SUMF1: variants seen among roughly 807,000 people sequenced by gnomAD.
SUMF1 encodes the protein formylglycine-generating enzyme.
Under a neutral mutation model 47.6 loss-of-function variants are expected in SUMF1, and 48 were observed. The observed-to-expected ratio is 1.01, with a 90% CI of 0.80 to 1.28. The LOEUF is 1.28. Among genes scored for constraint, SUMF1 ranks in the 50% most tolerant of loss-of-function variants. SUMF1 has a pLI of 0.00. For synonymous variants in SUMF1, 230 were observed against 192.1 expected, an observed-to-expected ratio of 1.20 and a Z score of -1.63; for missense variants, 571 against 485.4, an observed-to-expected ratio of 1.18 and a Z score of -1.66.
intron 8 of SUMF1, among the ~76,000 whole-genome samples, chr3:4,310,210 G>A (rs915367839): frequency 1.2e-4 from 18 of 152,244 alleles, no homozygotes; most frequent in African/African-American, 3.1e-4. Context: ...AAGTTTAACC[G>A]CGTGGCATGT....
chr3:4,193,842 G>A (rs1695373424), intron 8 of SUMF1, among the ~76,000 whole-genome samples: 1 of 152,002 alleles, frequency 6.6e-6, no homozygotes, highest in Non-Finnish European at 1.5e-5. Flanking sequence ...AAATGGAGTT[G>A]ATAATAATGC....
chr3:4,327,146 C>A (rs1698962800), intron 8 of SUMF1, among the ~76,000 whole-genome samples: 1 of 152,054 alleles, frequency 6.6e-6, no homozygotes, highest in Non-Finnish European at 1.5e-5. Flanking sequence ...ACCAAAAAAA[C>A]ACAAAAATAT....
chr3:4,215,333 A>G (rs80158786), intron 8 of SUMF1, among the ~76,000 whole-genome samples: 17 of 152,232 alleles, frequency 1.1e-4, no homozygotes, highest in African/African-American at 4.1e-4. Flanking sequence ...AAGGTCTTCA[A>G]TAAAATTCAA....
At chr3:4,235,587 G>A (rs530745461) in intron 8 of SUMF1, among the ~76,000 whole-genome samples, 1 of 152,002 alleles carries the variant, frequency 6.6e-6, no homozygotes, top group Non-Finnish European at 1.5e-5. Flanking sequence ...AATGCTTTAC[G>A]ATATTCTGTT....
At chr3:4,100,492 T>C (rs1693008443) in intron 8 of SUMF1, among the ~76,000 whole-genome samples, 1 of 151,882 alleles carries the variant, frequency 6.6e-6, no homozygotes, top group African/African-American at 2.4e-5. Flanking sequence ...AAAATTTAAA[T>C]GTCCTTCATC....
intron 8 of SUMF1, among the ~76,000 whole-genome samples, chr3:4,190,793 C>A (rs929566542): frequency 6.6e-6 from 1 of 152,136 alleles, no homozygotes; most frequent in Non-Finnish European, 1.5e-5. Context: ...ACCATGCCTG[C>A]TTTCAGGGAG....
chr3:4,269,077 C>G (rs1397855260), intron 8 of SUMF1, among the ~76,000 whole-genome samples: 1 of 152,072 alleles, frequency 6.6e-6, no homozygotes, highest in Non-Finnish European at 1.5e-5. Flanking sequence ...AAACACCACC[C>G]AGATCAGTGA....
At chr3:4,035,389 C>T (rs1377461685) in intron 9 of SUMF1, among the ~76,000 whole-genome samples, 1 of 152,160 alleles carries the variant, frequency 6.6e-6, no homozygotes, top group East Asian at 1.9e-4. Flanking sequence ...ACTTCTACCT[C>T]TGCCTCTGCG....
chr3:4,127,422 C>A (rs916827508), intron 8 of SUMF1, among the ~76,000 whole-genome samples: 1 of 152,038 alleles, frequency 6.6e-6, no homozygotes, highest in Non-Finnish European at 1.5e-5. Context: ...GCAGACCCAC[C>A]CTTAATTTGG....
chr3:4,381,423 G>A (rs1700501522), intron 7 of SUMF1, among the ~76,000 whole-genome samples: 2 of 152,126 alleles, frequency 1.3e-5, no homozygotes, highest in African/African-American at 4.8e-5. Flanking sequence ...AAATCTCACA[G>A]ATCACCACTA....
chr3:4,228,784 C>A (rs566908945), intron 8 of SUMF1, among the ~76,000 whole-genome samples: 18 of 152,038 alleles, frequency 1.2e-4, no homozygotes, highest in Non-Finnish European at 2.1e-4. Flanking sequence ...AATAAAAGTA[C>A]CCAGTGGCAG....
intron 8 of SUMF1, among the ~76,000 whole-genome samples, chr3:4,217,991 A>G (rs1305404964): frequency 6.6e-6 from 1 of 152,142 alleles, no homozygotes. Context: ...ATTCAGTTTA[A>G]TATCATGTTA....
At chr3:4,257,772 A>G (rs1696988727) in intron 8 of SUMF1, among the ~76,000 whole-genome samples, 1 of 152,116 alleles carries the variant, frequency 6.6e-6, no homozygotes, top group Non-Finnish European at 1.5e-5. Flanking sequence ...TTTAAAGTTC[A>G]TACGGAACCA....
intron 8 of SUMF1, among the ~76,000 whole-genome samples, chr3:4,374,068 A>G (rs1053146007): frequency 1.5e-4 from 23 of 152,184 alleles, no homozygotes; most frequent in African/African-American, 5.5e-4. Flanking sequence ...TGAAAAAGCT[A>G]TTGCTAATAC....
intron 8 of SUMF1, chr3:4,303,929 C>T (rs959418974): frequency 1.7e-5 from 20 of 1,168,208 alleles, no homozygotes; most frequent in Non-Finnish European, 2.2e-5. Context: ...AAAAACAGCC[C>T]CTCGAGTCAG....
At chr3:4,246,797 C>T (rs900251712) in intron 8 of SUMF1, among the ~76,000 whole-genome samples, 3 of 152,118 alleles carry the variant, frequency 2.0e-5, no homozygotes, top group African/African-American at 4.8e-5. Context: ...CCCTTCAAAT[C>T]TTGACCTTTC....
chr3:4,448,115 T>G lies in SUMF1; in HGVS notation c.519+1151A>C, dbSNP rs138600176. On this transcript the variant is annotated intron_variant, in intron 3 of 8. Coordinates refer to ENST00000272902, the MANE Select transcript of SUMF1 (RefSeq NM_182760.4). ...AACTTGTAAGGAGCAAAGAAAGCTG[T>G]GAAATTCGAATGGAGCTCAATCACA... Among the ~76,000 whole-genome samples, 553 of 152,246 alleles carry G rather than the reference T, an allele frequency of 3.6e-3. 2 individuals carry two copies. Among genetic ancestry groups the G allele is most frequent in the Admixed American group, 6.3e-3 (97 of 15,294 alleles).
At chr3:4,302,170 C>A (rs891303070) in intron 8 of SUMF1, among the ~76,000 whole-genome samples, 1 of 152,118 alleles carries the variant, frequency 6.6e-6, no homozygotes, top group African/African-American at 2.4e-5. Flanking sequence ...AGAATGCGCC[C>A]CCAACATAGC....
rs78664823 is a variant in SUMF1, at chr3:4,107,127, G to T, written c.1015-38382C>A. On this transcript the variant is annotated intron_variant and NMD_transcript_variant, in intron 8 of 12. Transcript: ENST00000448413. Reference sequence around the variant, plus strand: ...CATGGAGGAGCTTCACGGACAAGCAGCAGAAGCTAGTGTCTCTGGTGTCAC... The same window carrying T: ...CATGGAGGAGCTTCACGGACAAGCATCAGAAGCTAGTGTCTCTGGTGTCAC... Among the ~76,000 whole-genome samples, 1,460 of 152,152 alleles carry T rather than the reference G, an allele frequency of 9.6e-3. 38 individuals carry two copies. Among genetic ancestry groups the T allele is most frequent in the African/African-American group, 0.033 (1,381 of 41,470 alleles).
Sources: allele counts gnomAD v4.1 joint callset (sites outside exome capture counted in the v4.1 genomes callset), GRCh38; gene constraint gnomAD v4.1.1; transcripts MANE v1.5; gene names NCBI Gene and HGNC (gene_info 2026-07-23, HGNC 2026-07-21).